Variants in GLIS3 observed in about 807,000 individuals in gnomAD.
GLIS3 encodes zinc finger protein GLIS3.
In GLIS3, 53 loss-of-function variants were observed where a neutral mutation model predicts 78.6. The ratio of observed to expected loss-of-function variants is 0.67; its 90% CI spans 0.54 to 0.85. The LOEUF (loss-of-function observed/expected upper bound fraction) is 0.85. GLIS3 is among the 40% of genes least tolerant of loss of function. The pLI is 0.00. For synonymous variants in GLIS3, 684 were observed against 509.9 expected, an observed-to-expected ratio of 1.34 and a Z score of -4.60; for missense variants, 1,703 against 1,231.1, an observed-to-expected ratio of 1.38 and a Z score of -5.74.
At chr9:4,061,063 A>ATT (rs147437972) in intron 4 of GLIS3, among the ~76,000 whole-genome samples, 3 of 147,152 alleles carry the variant, frequency 2.0e-5, no homozygotes, top group East Asian at 2.0e-4. Flanking sequence ...CTACTGATCC[A>ATT]TTTTTTTTTT....
At chr9:4,060,828 T>C (rs953419866) in intron 4 of GLIS3, among the ~76,000 whole-genome samples, 6 of 152,210 alleles carry the variant, frequency 3.9e-5, no homozygotes, top group African/African-American at 1.4e-4. Context: ...TGTGACATAT[T>C]AATTTATTCT....
rs563336328 is a variant in GLIS3, at chr9:3,909,320, G to T, written c.1984-10485C>A. 2.4e-4 allele frequency among the ~76,000 whole-genome samples: 36 copies of T among 152,236 alleles called. No individual in the cohort carries two copies. In the South Asian group the frequency reaches 7.5e-3, roughly 32 times the overall value. On this transcript the variant is annotated intron_variant, in intron 6 of 10. Coordinates refer to ENST00000381971, the MANE Select transcript of GLIS3 (RefSeq NM_001042413.2). ...TGAACCTAGGAATTCCATCTCTAGG[G>T]GATTCCTTAGCACTGACATGTAGGA...
chr9:3,860,629 AAGAC>A (rs1482940367), intron 8 of GLIS3, among the ~76,000 whole-genome samples: 1 of 152,252 alleles, frequency 6.6e-6, no homozygotes, highest in East Asian at 1.9e-4. Flanking sequence ...GGCAAAGGAG[AAGAC>A]AGACAGGCCA....
chr9:4,014,877 A>T (rs189045962), intron 4 of GLIS3, among the ~76,000 whole-genome samples: 1 of 152,212 alleles, frequency 6.6e-6, no homozygotes, highest in Admixed American at 6.5e-5. Flanking sequence ...TCAACCATTC[A>T]CTCACTGGTT....
At chr9:3,951,796 A>ACCT (rs1352510498) in intron 4 of GLIS3, among the ~76,000 whole-genome samples, 1 of 151,270 alleles carries the variant, frequency 6.6e-6, no homozygotes, top group Non-Finnish European at 1.5e-5. Flanking sequence ...TGGAAAAGCA[A>ACCT]CCTCAACAGG....
Position 4,138,265 on chromosome 9 carries a change from A to G in GLIS3, c.389-12324T>C, listed in dbSNP as rs932518855. Among the ~76,000 whole-genome samples the G allele has an allele frequency of 4.6e-5, 7 of 152,210 alleles. No homozygotes were observed. In the South Asian group the frequency reaches 6.2e-4, roughly 14 times the overall value. ...GGGAGAACGCATATTGTCATGGGAGAAAACTGCCTCAGTTTCCCAAAGACA... is the reference window on the plus strand; with the variant it reads ...GGGAGAACGCATATTGTCATGGGAGGAAACTGCCTCAGTTTCCCAAAGACA... On this transcript the variant is annotated intron_variant, in intron 2 of 10. Coordinates refer to ENST00000381971, the MANE Select transcript of GLIS3 (RefSeq NM_001042413.2).
chr9:4,003,026 T>C lies in GLIS3; in HGVS notation c.1711-65837A>G, dbSNP rs573062078. Among the ~76,000 whole-genome samples the C allele has an allele frequency of 2.1e-3, 313 of 152,288 alleles. 3 individuals are homozygous for C. The highest frequency in any genetic ancestry group is 7.2e-3 in the African/African-American group (298 of 41,566). On this transcript the variant is annotated intron_variant, in intron 4 of 10. Transcript: ENST00000381971. The stretch of plus-strand genomic sequence containing the variant: ...ACAATATTTGTTTAATCCACTGTAG[T>C]ATGGTTTGGTGTTACCTGAAGCTGC...
At chr9:4,238,640 A>C (rs1563809478) in intron 2 of GLIS3, among the ~76,000 whole-genome samples, 1 of 152,210 alleles carries the variant, frequency 6.6e-6, no homozygotes, top group Non-Finnish European at 1.5e-5. Context: ...CTTCATAACC[A>C]AAAACAAAAC....
At chr9:4,372,274 T>C in the GLIS3 span, among the ~76,000 whole-genome samples, 2 of 152,220 alleles carry the variant, frequency 1.3e-5, no homozygotes, top group East Asian at 1.9e-4. Context: ...TGTTGCCATC[T>C]TGAAACTTTT....
chr9:4,154,807 C>T (rs190572486), intron 2 of GLIS3, among the ~76,000 whole-genome samples: 1 of 151,974 alleles, frequency 6.6e-6, no homozygotes, highest in Non-Finnish European at 1.5e-5. Context: ...AATAATCTAC[C>T]CTATGGACAT....
At chr9:3,905,953 A>G (rs905718974) in intron 6 of GLIS3, among the ~76,000 whole-genome samples, 1 of 152,172 alleles carries the variant, frequency 6.6e-6, no homozygotes, top group African/African-American at 2.4e-5. Context: ...GAGGTCAGGG[A>G]AGGCCTCTGT....
At chr9:4,448,283 A>G in the GLIS3 span, among the ~76,000 whole-genome samples, 3 of 152,194 alleles carry the variant, frequency 2.0e-5, no homozygotes, top group Non-Finnish European at 4.4e-5. Context: ...CTAGAATTTG[A>G]GAACCTAGAG....
intron 4 of GLIS3, among the ~76,000 whole-genome samples, chr9:4,030,223 C>T (rs1823713723): frequency 6.6e-6 from 1 of 152,064 alleles, no homozygotes; most frequent in Non-Finnish European, 1.5e-5. Context: ...TTTCATATGC[C>T]TGTTTGCCAT....
At chr9:3,980,316 G>A (rs1033098807) in intron 4 of GLIS3, among the ~76,000 whole-genome samples, 1 of 152,218 alleles carries the variant, frequency 6.6e-6, no homozygotes, top group African/African-American at 2.4e-5. Context: ...TAAGTGTTGA[G>A]AGAAGTGATA....
intron 2 of GLIS3, among the ~76,000 whole-genome samples, chr9:4,336,962 C>A (rs1450913963): frequency 6.6e-6 from 1 of 152,102 alleles, no homozygotes; most frequent in Non-Finnish European, 1.5e-5. Context: ...TGGACAATTT[C>A]CAGAGGACAG....
intron 4 of GLIS3, among the ~76,000 whole-genome samples, chr9:4,072,250 T>A (rs1245852132): frequency 6.6e-6 from 1 of 152,226 alleles, no homozygotes; most frequent in African/African-American, 2.4e-5. Flanking sequence ...GCTTGACCAT[T>A]TTCTAAGTAT....
Position 4,196,060 on chromosome 9 carries a change from T to C in GLIS3, c.389-70119A>G, listed in dbSNP as rs1439570173. Among the ~76,000 whole-genome samples the C allele has an allele frequency of 2.6e-5, 4 of 152,030 alleles. No homozygotes were observed. The East Asian group carries it at 5.8e-4, about 22-fold the overall frequency. The stretch of plus-strand genomic sequence containing the variant: ...AGAACTTTTATGTCTAGCTAAAGGA[T>C]TGTGAATGGACCAATCAGCACTCTG... On this transcript the variant is annotated intron_variant, in intron 2 of 10. Transcript: ENST00000381971.
rs1354045735 is a variant in GLIS3, at chr9:4,299,484, C to G, written c.-162G>C. ...GGTCCCTTCCCCCGGCCGGCCAGCG[C>G]GAGTGACAGCGGGCGGCCGGCGCTG... is the stretch of plus-strand genomic sequence containing the variant. On this transcript the variant is annotated 5_prime_UTR_variant, in exon 1 of 11. Coordinates refer to ENST00000381971, the MANE Select transcript of GLIS3 (RefSeq NM_001042413.2). The G allele has an allele frequency of 6.6e-6, 1 of 152,550 alleles. No homozygotes were observed. Among genetic ancestry groups the G allele is most frequent in the Non-Finnish European group, 1.5e-5 (1 of 68,060 alleles). 9.4% of individuals were successfully genotyped at this position (152,550 alleles called of 1,614,324 possible). A position where few individuals can be genotyped will look rare whatever the true frequency, so the allele number is the denominator to read the frequency against.
the GLIS3 span, among the ~76,000 whole-genome samples, chr9:4,468,720 T>C: frequency 6.6e-6 from 1 of 152,202 alleles, no homozygotes; most frequent in African/African-American, 2.4e-5. Context: ...AGGAAGAAAC[T>C]GCATCAAATA....
Sources: gnomAD v4.1 joint callset for allele counts (sites outside exome capture counted in the v4.1 genomes callset) on GRCh38, gnomAD v4.1.1 for gene constraint, MANE v1.5 for transcripts, NCBI Gene and HGNC (gene_info 2026-07-23, HGNC 2026-07-21) for gene names.